Variants in ROBO2 observed in about 807,000 individuals in gnomAD.
The protein encoded by ROBO2 is roundabout guidance receptor 2.
A neutral mutation model predicts 160.8 loss-of-function variants in ROBO2; 53 were observed. The observed-to-expected ratio is 0.33, with a 90% CI of 0.26 to 0.41. The LOEUF (loss-of-function observed/expected upper bound fraction) is 0.41, where lower values mean the gene tolerates loss of function less well. ROBO2 is among the 10% of genes least tolerant of loss of function. ROBO2 has a pLI of 1.00. For missense variants in ROBO2, 1,577 were observed against 1,722.4 expected, an observed-to-expected ratio of 0.92 and a Z score of 1.49; for synonymous variants, 664 against 611.7, an observed-to-expected ratio of 1.09 and a Z score of -1.26.
rs11371687 is a variant in ROBO2, at chr3:77,477,830, CTTTTTT to C, written c.546+277_546+282del. ...ACACTGCAATATTGATATTTTAGCT[CTTTTTT>C]TTTTTTTTTTTTTTTTTGAGACAGA... On this transcript the variant is annotated intron_variant, in intron 3 of 25. Coordinates refer to ENST00000461745, the Ensembl canonical transcript of ROBO2. Among the ~76,000 whole-genome samples, 30 of 84,468 alleles carry C rather than the reference CTTTTTT, an allele frequency of 3.6e-4. 1 individual carries two copies. Among genetic ancestry groups the C allele is most frequent in the Middle Eastern group, 0.02 (2 of 98 alleles). The allele number at this position is 84,468 out of a possible 152,430, so 55.4% of individuals were successfully genotyped here.
intron 2 of ROBO2, among the ~76,000 whole-genome samples, chr3:76,921,480 C>T (rs1034638357): frequency 2.6e-5 from 4 of 152,026 alleles, no homozygotes; most frequent in South Asian, 2.1e-4. Flanking sequence ...GGCGTGGTGA[C>T]GCACACTTGT....
intron 11 of ROBO2, among the ~76,000 whole-genome samples, chr3:77,563,551 G>T (rs895248369): frequency 2.0e-5 from 3 of 151,958 alleles, no homozygotes; most frequent in African/African-American, 7.2e-5. Flanking sequence ...TAGGTCTATG[G>T]GGATCCAGTT....
At chr3:77,293,759 C>G (rs1225300520) in intron 2 of ROBO2, among the ~76,000 whole-genome samples, 4 of 139,864 alleles carry the variant, frequency 2.9e-5, no homozygotes, top group Non-Finnish European at 1.5e-5. Flanking sequence ...CTAGATCACC[C>G]CAGACATAAA....
chr3:76,052,881 T>G (rs2067702166), intron 2 of ROBO2, among the ~76,000 whole-genome samples: 1 of 152,056 alleles, frequency 6.6e-6, no homozygotes. Context: ...TGGTCATATC[T>G]CATGTTAAAT....
At chr3:76,568,678 T>C (rs1294819107) in intron 2 of ROBO2, among the ~76,000 whole-genome samples, 2 of 152,124 alleles carry the variant, frequency 1.3e-5, no homozygotes, top group Non-Finnish European at 2.9e-5. Context: ...ATCCCACCTA[T>C]TACAGTCATC....
chr3:76,266,435 A>G (rs1707105343), intron 2 of ROBO2, among the ~76,000 whole-genome samples: 1 of 152,190 alleles, frequency 6.6e-6, no homozygotes, highest in Non-Finnish European at 1.5e-5. Flanking sequence ...CACACAGGGC[A>G]TAGTAAAGTA....
chr3:76,351,452 AG>A (rs2074868985), intron 2 of ROBO2, among the ~76,000 whole-genome samples: 1 of 151,970 alleles, frequency 6.6e-6, no homozygotes, highest in Non-Finnish European at 1.5e-5. Context: ...TAAAAATAAA[AG>A]TATTGGGTTT....
intron 2 of ROBO2, among the ~76,000 whole-genome samples, chr3:76,389,602 T>C (rs905266516): frequency 3.3e-5 from 5 of 152,186 alleles, no homozygotes; most frequent in African/African-American, 1.2e-4. Flanking sequence ...ATTCATAGTG[T>C]TACTGATAAA....
At position 76,358,744 on chromosome 3, in the gene ROBO2, A is replaced by G. The variant is rs190204957; in HGVS notation, c.109+421142A>G. Among the ~76,000 whole-genome samples the G allele has an allele frequency of 4.0e-3, 615 of 152,094 alleles. 4 individuals carry two copies. Among genetic ancestry groups the G allele is most frequent in the African/African-American group, 0.014 (565 of 41,528 alleles). Reference sequence around the variant, plus strand: ...TAGGCATTAGAATTTGAAGTTTAAGATGAAAGTTGATGCTGTTTAAATTTT... The same window carrying G: ...TAGGCATTAGAATTTGAAGTTTAAGGTGAAAGTTGATGCTGTTTAAATTTT... On this transcript the variant is annotated intron_variant, in intron 2 of 26. Coordinates refer to the ROBO2 transcript ENST00000487694.
At position 76,048,781 on chromosome 3, in the gene ROBO2, C is replaced by T. The variant is rs185134027; in HGVS notation, c.109+111179C>T. ...CAGCTGTGTCTACGGTAACGGGGCA[C>T]TGAAGATTGACAGGAGAGTAAGTTA... On this transcript the variant is annotated intron_variant, in intron 2 of 26. Transcript: ENST00000487694. Among the ~76,000 whole-genome samples the T allele has an allele frequency of 5.2e-4, 79 of 152,198 alleles. 1 individual carries two copies. The highest frequency in any genetic ancestry group is 3.5e-3 in the Admixed American group (54 of 15,286).
intron 2 of ROBO2, among the ~76,000 whole-genome samples, chr3:76,257,293 CAT>C (rs918299091): frequency 1.2e-4 from 18 of 145,962 alleles, no homozygotes; most frequent in African/African-American, 4.4e-4. Context: ...CACACACGTG[CAT>C]ATGTGTGTGT....
chr3:77,320,551 A>G (rs1560526207), intron 2 of ROBO2, among the ~76,000 whole-genome samples: 1 of 146,502 alleles, frequency 6.8e-6, no homozygotes, highest in Non-Finnish European at 1.5e-5. Flanking sequence ...TTCTCTTTCT[A>G]GCTCTTAAAA....
intron 2 of ROBO2, among the ~76,000 whole-genome samples, chr3:75,950,334 C>A (rs1378026136): frequency 6.6e-6 from 1 of 152,076 alleles, no homozygotes; most frequent in Non-Finnish European, 1.5e-5. Context: ...TTAAAACACA[C>A]ATCATGAGAT....
At position 76,683,351 on chromosome 3, in the gene ROBO2, A is replaced by AT. The variant is rs548531186; in HGVS notation, c.110-414653dup. ...GACTGCTTGGATTTTATAGCTGCTG[A>AT]TTTTTTTTTTATAGATGGTAATCTG... On this transcript the variant is annotated intron_variant, in intron 2 of 26. Transcript: ENST00000487694. 3.3e-4 allele frequency among the ~76,000 whole-genome samples: 48 copies of AT among 146,168 alleles called. 1 individual carries two copies. The highest frequency in any genetic ancestry group is 8.1e-4 in the East Asian group (4 of 4,958).
At chr3:76,535,149 GAAT>G (rs2082425661) in intron 2 of ROBO2, among the ~76,000 whole-genome samples, 1 of 151,992 alleles carries the variant, frequency 6.6e-6, no homozygotes. Flanking sequence ...GTCATTAACA[GAAT>G]AATGAGTTGT....
intron 2 of ROBO2, among the ~76,000 whole-genome samples, chr3:77,024,458 C>T (rs1351493881): frequency 6.6e-6 from 1 of 152,162 alleles, no homozygotes; most frequent in Non-Finnish European, 1.5e-5. Flanking sequence ...GGAGTCATCT[C>T]AGCTACAAAG....
intron 2 of ROBO2, among the ~76,000 whole-genome samples, chr3:76,898,404 TAA>T (rs1338611070): frequency 6.6e-6 from 1 of 152,104 alleles, no homozygotes; most frequent in East Asian, 1.9e-4. Flanking sequence ...GACTTACTCT[TAA>T]GATGGCACAT....
At chr3:77,234,480 T>A (rs921398033) in intron 2 of ROBO2, among the ~76,000 whole-genome samples, 2 of 151,650 alleles carry the variant, frequency 1.3e-5, no homozygotes, top group African/African-American at 4.8e-5. Flanking sequence ...CAGAAAAGAA[T>A]ACAATTAGGT....
At position 76,343,966 on chromosome 3, in the gene ROBO2, A is replaced by AT. The variant is rs201974433; in HGVS notation, c.109+406368dup. On this transcript the variant is annotated intron_variant, in intron 2 of 26. Transcript: ENST00000487694. ...AGTAAATTTGGTTTGTACTAAAAGCATTTTGATATACCTTGAATCTATCTT... is the reference window on the plus strand; with the variant it reads ...AGTAAATTTGGTTTGTACTAAAAGCATTTTTGATATACCTTGAATCTATCTT... 9.2e-3 allele frequency among the ~76,000 whole-genome samples: 1,406 copies of AT among 152,198 alleles called. 23 individuals are homozygous for AT. Among genetic ancestry groups the AT allele is most frequent in the African/African-American group, 0.032 (1,309 of 41,534 alleles).
Sources: allele counts gnomAD v4.1 joint callset (sites outside exome capture counted in the v4.1 genomes callset), GRCh38; gene constraint gnomAD v4.1.1; transcripts MANE v1.5; gene names NCBI Gene and HGNC (gene_info 2026-07-23, HGNC 2026-07-21).